GPHN: variants seen among roughly 807,000 people sequenced by gnomAD.
GPHN encodes gephyrin.
A neutral mutation model predicts 95.5 loss-of-function variants in GPHN; 17 were observed. The ratio of observed to expected loss-of-function variants is 0.18; its 90% CI spans 0.12 to 0.27. The LOEUF (loss-of-function observed/expected upper bound fraction) is 0.27. Ranked by LOEUF, GPHN falls within the 10% of genes least tolerant of loss-of-function variation. The pLI, the probability that GPHN is intolerant of heterozygous loss-of-function variation, is 1.00. For synonymous variants in GPHN, 320 were observed against 322.5 expected, an observed-to-expected ratio of 0.99 and a Z score of 0.08; for missense variants, 660 against 978.1, an observed-to-expected ratio of 0.67 and a Z score of 4.34.
intron 2 of GPHN, among the ~76,000 whole-genome samples, chr14:66,750,197 A>G (rs1305436213): frequency 6.6e-6 from 1 of 151,760 alleles, no homozygotes; most frequent in Admixed American, 6.6e-5. Flanking sequence ...CTATTCTAGG[A>G]GTTTTATATT....
At chr14:66,676,066 A>G (rs1458201961) in intron 1 of GPHN, among the ~76,000 whole-genome samples, 1 of 152,118 alleles carries the variant, frequency 6.6e-6, no homozygotes, top group Admixed American at 6.5e-5. Context: ...ATATATATAT[A>G]TATAGCATAA....
the GPHN span, chr14:67,384,396 TTC>T: frequency 6.6e-6 from 1 of 152,000 alleles, no homozygotes; most frequent in African/African-American, 2.4e-5. Flanking sequence ...TTTCCATCAT[TTC>T]TGTCTTTAAG....
At chr14:66,616,406 G>A (rs2063036460) in intron 1 of GPHN, among the ~76,000 whole-genome samples, 1 of 145,320 alleles carries the variant, frequency 6.9e-6, no homozygotes, top group Non-Finnish European at 1.5e-5. Context: ...TGTTGTTGTT[G>A]CTTTCTGTTT....
chr14:67,069,525 C>T (rs1799343732), intron 11 of GPHN, among the ~76,000 whole-genome samples: 2 of 152,250 alleles, frequency 1.3e-5, no homozygotes, highest in African/African-American at 2.4e-5. Flanking sequence ...AGATACTTCA[C>T]TGCTACAAAC....
chr14:67,420,130 C>T, the GPHN span, among the ~76,000 whole-genome samples: 1 of 152,248 alleles, frequency 6.6e-6, no homozygotes, highest in African/African-American at 2.4e-5. Context: ...CCATGGCATG[C>T]CCTCTGAAAG....
chr14:67,355,910 G>T, the GPHN span, among the ~76,000 whole-genome samples: 1 of 152,040 alleles, frequency 6.6e-6, no homozygotes, highest in African/African-American at 2.4e-5. Flanking sequence ...TAAGGTGAGA[G>T]GACTGATTGA....
At chr14:67,469,185 C>T in the GPHN span, among the ~76,000 whole-genome samples, 74 of 152,254 alleles carry the variant, frequency 4.9e-4, no homozygotes, top group East Asian at 0.012. Context: ...AGGGCCCTCC[C>T]GATGATTTAG....
the GPHN span, chr14:67,224,059 G>A: frequency 2.2e-6 from 2 of 893,060 alleles, no homozygotes; most frequent in Non-Finnish European, 2.7e-6. Flanking sequence ...ACCCAGCAAT[G>A]CTAGTTAGGG....
At position 66,841,267 on chromosome 14, in the gene GPHN, T is replaced by A. The variant is rs114498802; in HGVS notation, c.294+16701T>A. On this transcript the variant is annotated intron_variant, in intron 4 of 22. Coordinates refer to ENST00000478722, the MANE Select transcript of GPHN (RefSeq NM_020806.5). ...TAGGAAAGAGGGTTATAATTTTAAATAGGGTCATCCATTAAGGAAGGCCTC... is the reference window on the plus strand; with the variant it reads ...TAGGAAAGAGGGTTATAATTTTAAAAAGGGTCATCCATTAAGGAAGGCCTC... Among the ~76,000 whole-genome samples, 1,365 of 151,986 alleles carry A rather than the reference T, an allele frequency of 9.0e-3. 33 individuals carry two copies. The highest frequency in any genetic ancestry group is 0.031 in the African/African-American group (1,289 of 41,442).
the GPHN span, chr14:67,515,090 G>GCGGGGC: frequency 6.6e-6 from 1 of 152,342 alleles, no homozygotes; most frequent in Admixed American, 6.5e-5. Context: ...ACCTACCGGT[G>GCGGGGC]CGGGGCCGGG....
intron 11 of GPHN, among the ~76,000 whole-genome samples, chr14:67,059,460 A>G (rs1011942753): frequency 1.3e-5 from 2 of 152,196 alleles, no homozygotes; most frequent in Non-Finnish European, 2.9e-5. Context: ...TGAATAAAAT[A>G]TAGTTTCTTA....
At chr14:67,577,961 C>T in the GPHN span, 31 of 1,493,848 alleles carry the variant, frequency 2.1e-5, no homozygotes, top group Admixed American at 1.6e-4. Context: ...ATGGCCAAGC[C>T]GTTGAGTTCT....
the GPHN span, chr14:67,345,743 G>C: frequency 6.6e-7 from 1 of 1,517,346 alleles, no homozygotes; most frequent in Non-Finnish European, 9.2e-7. Context: ...AACTACAGGA[G>C]TTCTCCAGGT....
chr14:66,793,003 T>C (rs1009475811), intron 3 of GPHN, among the ~76,000 whole-genome samples: 1 of 152,368 alleles, frequency 6.6e-6, no homozygotes, highest in Admixed American at 6.5e-5. Flanking sequence ...TTGTTTGTGG[T>C]TTAAGAATGC....
intron 11 of GPHN, among the ~76,000 whole-genome samples, chr14:67,065,923 T>A (rs929648008): frequency 2.0e-5 from 3 of 152,326 alleles, no homozygotes; most frequent in African/African-American, 7.2e-5. Context: ...ATTGGGGCAT[T>A]TAGCCTATTT....
chr14:67,566,589 G>C, the GPHN span, among the ~76,000 whole-genome samples: 1 of 152,072 alleles, frequency 6.6e-6, no homozygotes, highest in South Asian at 2.1e-4. Context: ...TACCAAAAAA[G>C]ATACAAAAAT....
the GPHN span, chr14:67,303,419 GA>G: frequency 4.8e-6 from 4 of 835,472 alleles, no homozygotes; most frequent in Non-Finnish European, 8.0e-6. Context: ...TAAGTCTGTG[GA>G]GGGGTTCTGA....
chr14:67,246,451 C>T, the GPHN span, among the ~76,000 whole-genome samples: 2 of 152,012 alleles, frequency 1.3e-5, no homozygotes, highest in Non-Finnish European at 2.9e-5. Context: ...CTCAAGCCAT[C>T]CTCCCACTTT....
chr14:66,996,357 G>A (rs973304526), intron 9 of GPHN: 1 of 630,812 alleles, frequency 1.6e-6, no homozygotes, highest in African/African-American at 1.8e-5. Flanking sequence ...TACCAAAGGG[G>A]GAAAATTCAC....
Sources: allele counts gnomAD v4.1 joint callset (sites outside exome capture counted in the v4.1 genomes callset), GRCh38; gene constraint gnomAD v4.1.1; transcripts MANE v1.5; gene names NCBI Gene and HGNC (gene_info 2026-07-23, HGNC 2026-07-21).